The following ELP6 variants were observed in gnomAD, a reference collection of about 807,000 sequenced individuals.
ELP6 encodes elongator complex protein 6.
A neutral mutation model predicts 28.1 loss-of-function variants in ELP6; 23 were observed. The ratio of observed to expected loss-of-function variants is 0.82; its 90% confidence interval spans 0.59 to 1.16. The LOEUF is 1.16. Ranked by LOEUF, ELP6 falls within the 50% of genes most tolerant of loss-of-function variation. The pLI, the probability that ELP6 is intolerant of heterozygous loss-of-function variation, is 0.00. For missense variants in ELP6, 313 were observed against 334.6 expected, an observed-to-expected ratio of 0.94 and a Z score of 0.50; for synonymous variants, 132 against 135.8, an observed-to-expected ratio of 0.97 and a Z score of 0.19.
intron 1 of ELP6, chr3:47,511,915 T>C: frequency 1.0e-6 from 1 of 985,202 alleles, no homozygotes; most frequent in Non-Finnish European, 1.2e-6. Flanking sequence ...CACAAATGCC[T>C]TAACTTCTCT....
chr3:47,496,042 T>C lies in ELP6; in HGVS notation c.*27A>G, dbSNP rs754924860. 2.5e-5 allele frequency: 41 copies of C among 1,613,796 alleles called. No homozygotes were observed. In the South Asian group the frequency reaches 4.3e-4, roughly 17 times the overall value. On this transcript the variant is annotated 3_prime_UTR_variant, in exon 7 of 7. Transcript: ENST00000296149. ...TCTTCCACGTCCAAAAACAGTCCTA[T>C]GTAGCTTCAGCTGCTCCGAAATCAG... is the stretch of plus-strand genomic sequence containing the variant.
At chr3:47,501,578 CAAGT>C (rs753517287) in intron 5 of ELP6, 68 bp downstream of exon 5, 51 of 1,446,450 alleles carry the variant, frequency 3.5e-5, no homozygotes, top group Middle Eastern at 1.8e-4. Context: ...TCACAGCAAG[CAAGT>C]GAGGTCTGGA....
rs1424103450 is a variant in ELP6, at chr3:47,513,236, C to A, written c.54+301G>T. 1.2e-5 allele frequency: 15 copies of A among 1,244,618 alleles called. No individual in the cohort carries two copies. In the East Asian group the frequency reaches 6.0e-4, roughly 50 times the overall value. The allele number at this position is 1,244,618 out of a possible 1,614,324, so 77.1% of individuals were successfully genotyped here. On this transcript the variant is annotated intron_variant, in intron 1 of 6. Coordinates refer to ENST00000296149, the MANE Select transcript of ELP6 (RefSeq NM_001031703.3). Reference sequence around the variant, plus strand: ...CGAACTCTTGACCTTAGATGATGCACCCGCCTCGGCCTCCCAAACTGCTGG... The same window carrying A: ...CGAACTCTTGACCTTAGATGATGCAACCGCCTCGGCCTCCCAAACTGCTGG...
At chr3:47,497,100 G>A (rs1708499483) in intron 6 of ELP6, 4 of 978,812 alleles carry the variant, frequency 4.1e-6, no homozygotes, top group Non-Finnish European at 4.9e-6. Flanking sequence ...CTCTTATTGG[G>A]TCAGGAGTGC....
rs181348019 is a variant in ELP6 at position 47,496,518 on chromosome 3, C to T, written c.673-321G>A. On this transcript the variant is annotated intron_variant, in intron 6 of 6. Transcript: ENST00000296149. ...ATGTTTTTTTTTTTTTTTTTTGAAG[C>T]AGAGTCTCACTCTGTTGCCCAGGCT... The T allele has an allele frequency of 5.1e-5, 44 of 861,166 alleles. 1 individual carries two copies. The Admixed American group carries it at 2.4e-3, about 47-fold the overall frequency. The allele number at this position is 861,166 out of a possible 1,614,324, so 53.3% of individuals were successfully genotyped here. A position where few individuals can be genotyped will look rare whatever the true frequency, so the allele number is the denominator to read the frequency against.
In ELP6 at chr3:47,495,911, G is replaced by C. The variant is rs1459676691; in HGVS notation, c.*158C>G. On this transcript the variant is annotated 3_prime_UTR_variant, in exon 7 of 7. Coordinates refer to ENST00000296149, the MANE Select transcript of ELP6 (RefSeq NM_001031703.3). Reference sequence around the variant, plus strand: ...CTGAACAGGGCCCAGGGCAGCCAAGGCATGCCATCACTGCAGCACTCAACC... The same window carrying C: ...CTGAACAGGGCCCAGGGCAGCCAAGCCATGCCATCACTGCAGCACTCAACC... 3.9e-6 allele frequency: 5 copies of C among 1,278,328 alleles called. No individual in the cohort carries two copies. Among genetic ancestry groups the C allele is most frequent in the African/African-American group, 1.5e-5 (1 of 65,364 alleles). The allele number at this position is 1,278,328 out of a possible 1,614,324, so 79.2% of individuals were successfully genotyped here.
At chr3:47,505,121 G>T (rs921146692) in intron 3 of ELP6, among the ~76,000 whole-genome samples, 1 of 152,002 alleles carries the variant, frequency 6.6e-6, no homozygotes, top group African/African-American at 2.4e-5. Context: ...ACAAAAATTA[G>T]CCAGGCGTGG....
chr3:47,504,409 C>G lies in ELP6; in HGVS notation c.244G>C (p.Val82Leu), dbSNP rs750521711. 1.2e-6 allele frequency: 2 copies of G among 1,609,134 alleles called. No homozygotes were observed. The highest frequency in any genetic ancestry group is 1.7e-6 in the Non-Finnish European group (2 of 1,177,394). The change falls in exon 4 of 7, where the codon GTG becomes CTG. Residue 82 changes from valine to leucine, a missense_variant. Val to Leu is a conservative substitution (Grantham distance 32). Transcript: ENST00000296149. ...GCAGACTTGAGTCCCTCAAGGAACACAAGCTGCCCACGCTCCCGCGCCATG... is the reference window on the plus strand; with the variant it reads ...GCAGACTTGAGTCCCTCAAGGAACAGAAGCTGCCCACGCTCCCGCGCCATG... Reference protein sequence around the residue: ...LTMARERGQLVFLEGLKSAVD... With the variant: ...LTMARERGQLLFLEGLKSAVD...
chr3:47,499,816 T>G, intron 5 of ELP6: 3 of 1,126,388 alleles, frequency 2.7e-6, no homozygotes, highest in Non-Finnish European at 3.3e-6. Context: ...TGCTGGGCTG[T>G]GGCCCCAGCT....
chr3:47,512,809 G>A lies in ELP6; in HGVS notation c.54+728C>T, dbSNP rs187959218. ...AATGTGCCAATTGCTCCGGGGCGAG[G>A]TGGCGGTTAGGAAGCTCGCCCATGA... is the stretch of plus-strand genomic sequence containing the variant. On this transcript the variant is annotated intron_variant, in intron 1 of 6. Coordinates refer to ENST00000296149, the MANE Select transcript of ELP6 (RefSeq NM_001031703.3). The A allele has an allele frequency of 7.7e-3, 7,291 of 943,416 alleles. 52 individuals are homozygous for A. Among genetic ancestry groups the A allele is most frequent in the Non-Finnish European group, 8.8e-3 (6,933 of 791,808 alleles). The allele number at this position is 943,416 out of a possible 1,614,324, so 58.4% of individuals were successfully genotyped here. A position where few individuals can be genotyped will look rare whatever the true frequency, so the allele number is the denominator to read the frequency against.
chr3:47,513,583 A>G lies in ELP6; in HGVS notation c.8T>C (p.Val3Ala). Residue 3 changes from valine (V) to alanine (A), a missense_variant, in exon 1 of 7, where the codon GTG (valine) becomes GCG (alanine). Val to Ala is a moderately conservative substitution (Grantham distance 64). Transcript: ENST00000296149. Reference sequence around the variant, plus strand: ...GGTGTTAAGCAGGTTATTAAGTTCCACGAACATTCCGAGCTCCTGGGACTA... The same window carrying G: ...GGTGTTAAGCAGGTTATTAAGTTCCGCGAACATTCCGAGCTCCTGGGACTA... MF[V>A]ELNNLLNTTP... 1 of 1,613,026 alleles carries G rather than the reference A, an allele frequency of 6.2e-7. No homozygotes were observed.
At position 47,500,169 on chromosome 3, in the gene ELP6, CATGTGTT is replaced by C. The variant is rs1708605907; in HGVS notation, c.525+1474_525+1480del. On this transcript the variant is annotated intron_variant, in intron 5 of 6. Coordinates refer to ENST00000296149, the MANE Select transcript of ELP6 (RefSeq NM_001031703.3). The stretch of plus-strand genomic sequence containing the variant: ...AAAAGGGAAAAGAATGAAGCAGATC[CATGTGTT>C]ATTTTTGGGCAATGGACAACAAAAT... 2.7e-6 allele frequency: 3 copies of C among 1,126,124 alleles called. No individual in the cohort carries two copies. In the South Asian group the frequency reaches 6.0e-5, roughly 23 times the overall value. The allele number at this position is 1,126,124 out of a possible 1,614,324, so 69.8% of individuals were successfully genotyped here.
At chr3:47,511,433 T>C in intron 1 of ELP6, 1 of 1,378,590 alleles carries the variant, frequency 7.3e-7, no homozygotes, top group Non-Finnish European at 9.4e-7. Context: ...TTATTGTTAC[T>C]CATGATAGGC....
Position 47,496,015 on chromosome 3 carries a change from T to C in ELP6, c.*54A>G. 1 of 1,611,724 alleles carries C rather than the reference T, an allele frequency of 6.2e-7. No homozygotes were observed. Among genetic ancestry groups the C allele is most frequent in the Admixed American group, 1.7e-5 (1 of 59,326 alleles). Reference sequence around the variant, plus strand: ...AAGACCCATTCTTGCTATGTTGCTCTATCTTCCACGTCCAAAAACAGTCCT... The same window carrying C: ...AAGACCCATTCTTGCTATGTTGCTCCATCTTCCACGTCCAAAAACAGTCCT... On this transcript the variant is annotated 3_prime_UTR_variant, in exon 7 of 7. Coordinates refer to ENST00000296149, the MANE Select transcript of ELP6 (RefSeq NM_001031703.3).
chr3:47,495,764 A>T lies in ELP6; in HGVS notation c.*305T>A. 3.1e-6 allele frequency: 1 copy of T among 321,886 alleles called. No individual in the cohort carries two copies. The highest frequency in any genetic ancestry group is 5.7e-6 in the Non-Finnish European group (1 of 175,086). 19.9% of individuals were successfully genotyped at this position (321,886 alleles called of 1,614,324 possible). A position where few individuals can be genotyped will look rare whatever the true frequency, so the allele number is the denominator to read the frequency against. ...CACTCTGGCTCTGAAAGGCTTGTCA[A>T]CCAAAAATGGGCAGCTGGGGCTAAG... On this transcript the variant is annotated 3_prime_UTR_variant, in exon 7 of 7. Coordinates refer to ENST00000296149, the MANE Select transcript of ELP6 (RefSeq NM_001031703.3).
chr3:47,505,766 T>G (rs1708815699), intron 3 of ELP6, among the ~76,000 whole-genome samples: 1 of 152,274 alleles, frequency 6.6e-6, no homozygotes, highest in Non-Finnish European at 1.5e-5. Context: ...GAGATGGGGT[T>G]TCTCCATGTT....
chr3:47,505,159 C>T (rs1367200760), intron 3 of ELP6, among the ~76,000 whole-genome samples: 4 of 151,834 alleles, frequency 2.6e-5, no homozygotes, highest in Admixed American at 6.6e-5. Context: ...CCCAGCTACT[C>T]AGGAGACTGA....
intron 3 of ELP6, 63 bp downstream of exon 3, chr3:47,510,121 T>G: frequency 1.5e-6 from 2 of 1,314,870 alleles, no homozygotes; most frequent in South Asian, 2.4e-5. Context: ...AAGCCAAGCT[T>G]TAGACCATGT....
chr3:47,507,277 C>T (rs1362091924), intron 3 of ELP6, among the ~76,000 whole-genome samples: 1 of 150,390 alleles, frequency 6.6e-6, no homozygotes, highest in Non-Finnish European at 1.5e-5. Context: ...AGGAGAATCA[C>T]TTGAACCTGG....
Sources: allele counts gnomAD v4.1 joint callset (sites outside exome capture counted in the v4.1 genomes callset), GRCh38; gene constraint gnomAD v4.1.1; transcripts MANE v1.5; gene names NCBI Gene and HGNC (gene_info 2026-07-23, HGNC 2026-07-21).